The following DMD variants were observed in gnomAD, a reference collection of about 807,000 sequenced individuals.
DMD encodes the protein dystrophin.
Under a neutral mutation model 330.1 loss-of-function variants are expected in DMD, and 63 were observed. That is an observed-to-expected ratio of 0.19 (90% CI 0.16 to 0.24). The LOEUF (loss-of-function observed/expected upper bound fraction) is 0.24, where lower values mean the gene tolerates loss of function less well. Among genes scored for constraint, DMD ranks in the 10% least tolerant of loss-of-function variants. The probability of loss-of-function intolerance (pLI) is 1.00; values close to 1 mark genes in which losing one functional copy is unlikely to be tolerated. For synonymous variants in DMD, 1,223 were observed against 959.8 expected, an observed-to-expected ratio of 1.27 and a Z score of -5.07; for missense variants, 3,344 against 2,684.1, an observed-to-expected ratio of 1.25 and a Z score of -5.43.
chrX:32,872,755 G>A (rs6527237), intron 2 of DMD, among the ~76,000 whole-genome samples: 37,033 of 110,892 alleles, frequency 0.33, 4,833 homozygotes, highest in Middle Eastern at 0.41. Context: ...GGCAAAGAAG[G>A]ATAAGGGGTA....
chrX:31,278,133 G>A (rs183756190), intron 62 of DMD, among the ~76,000 whole-genome samples: 1 of 111,270 alleles, frequency 9.0e-6, no homozygotes, highest in Admixed American at 9.6e-5. Context: ...AGATATAGAT[G>A]CGTGTGTGCG....
intron 57 of DMD, among the ~76,000 whole-genome samples, chrX:31,494,129 C>T (rs1469025222): frequency 4.0e-5 from 4 of 101,192 alleles, no homozygotes; most frequent in African/African-American, 1.1e-4. Context: ...GCAACTCCAG[C>T]CTGGTGACAG....
At chrX:31,261,559 A>T (rs1310094793) in intron 62 of DMD, 2 of 122,748 alleles carry the variant, frequency 1.6e-5, no homozygotes, top group Admixed American at 8.1e-5. Flanking sequence ...AGGTATATCT[A>T]CTGCCTGACT....
At chrX:32,513,472 A>G (rs1396788647) in intron 18 of DMD, among the ~76,000 whole-genome samples, 1 of 111,915 alleles carries the variant, frequency 8.9e-6, no homozygotes, top group East Asian at 2.8e-4. Context: ...TGGTGATGGG[A>G]ATAGAGAGAA....
At chrX:32,683,416 G>A (rs1379092722) in intron 9 of DMD, among the ~76,000 whole-genome samples, 2 of 109,540 alleles carry the variant, frequency 1.8e-5, no homozygotes, top group Non-Finnish European at 3.8e-5. Context: ...ATGATAGACT[G>A]GATTAAGAAA....
chrX:32,936,561 A>G (rs1412128015), intron 2 of DMD, among the ~76,000 whole-genome samples: 3 of 111,762 alleles, frequency 2.7e-5, no homozygotes, highest in Non-Finnish European at 3.8e-5. Flanking sequence ...CTCCTAGCCC[A>G]TGGGCCTCTT....
chrX:31,882,749 C>T (rs1465760728), intron 47 of DMD, among the ~76,000 whole-genome samples: 2 of 111,781 alleles, frequency 1.8e-5, no homozygotes, highest in Middle Eastern at 4.2e-3. Flanking sequence ...TGGCACTAAT[C>T]GTCAGGTGAT....
At chrX:32,245,737 G>GC (rs2148117918) in intron 43 of DMD, among the ~76,000 whole-genome samples, 1 of 86,849 alleles carries the variant, frequency 1.2e-5, no homozygotes, top group East Asian at 3.8e-4. Flanking sequence ...GTGAATGGGA[G>GC]TTCACTCATG....
At chrX:31,537,226 T>G (rs1163256511) in intron 55 of DMD, among the ~76,000 whole-genome samples, 3 of 111,935 alleles carry the variant, frequency 2.7e-5, no homozygotes, top group African/African-American at 9.7e-5. Flanking sequence ...AATGTTACTT[T>G]TTCTTGAAAA....
At chrX:31,659,651 A>AGG (rs1569189759) in intron 53 of DMD, among the ~76,000 whole-genome samples, 9 of 82,953 alleles carry the variant, frequency 1.1e-4, no homozygotes, top group Admixed American at 4.7e-4. Context: ...AAAAAAAAAA[A>AGG]AAAAAAAAAA....
chrX:31,678,708 A>T (rs765034949), intron 53 of DMD, among the ~76,000 whole-genome samples: 130 of 111,145 alleles, frequency 1.2e-3, no homozygotes, highest in African/African-American at 4.1e-3. Context: ...CCATTTCTTG[A>T]TCCAGGGCCT....
chrX:32,500,007 C>G (rs1399858366), intron 19 of DMD, among the ~76,000 whole-genome samples: 1 of 110,639 alleles, frequency 9.0e-6, no homozygotes, highest in East Asian at 2.8e-4. Flanking sequence ...AGTAGTCATC[C>G]TAGTTATGGC....
chrX:31,352,097 T>C (rs1421649158), intron 60 of DMD, among the ~76,000 whole-genome samples: 3 of 111,575 alleles, frequency 2.7e-5, no homozygotes, highest in Non-Finnish European at 5.6e-5. Context: ...TTAATTTCTT[T>C]AATCAGTTTA....
At chrX:31,349,389 CCAGCCTGGGTGACAGAGTGAAACT>C (rs768683932) in intron 60 of DMD, among the ~76,000 whole-genome samples, 1 of 112,434 alleles carries the variant, frequency 8.9e-6, no homozygotes, top group Non-Finnish European at 1.9e-5. Flanking sequence ...CCACTGTACT[CCAGCCTGGGTGACAGAGTGAAACT>C]CCACCTCAAA....
intron 44 of DMD, among the ~76,000 whole-genome samples, chrX:32,130,739 A>G (rs928968171): frequency 9.0e-6 from 1 of 111,309 alleles, no homozygotes; most frequent in African/African-American, 3.3e-5. Context: ...TGCCTCTGTC[A>G]CTATTCAGGT....
intron 64 of DMD, among the ~76,000 whole-genome samples, chrX:31,214,930 C>CTTTTTTTTTTTTTT (rs1302015325): frequency 5.0e-4 from 23 of 46,116 alleles, no homozygotes; most frequent in Admixed American, 9.3e-4. Context: ...TTTTTTATTT[C>CTTTTTTTTTTTTTT]TTTTTTCTTT....
intron 44 of DMD, among the ~76,000 whole-genome samples, chrX:32,160,796 A>G (rs148805847): frequency 3.9e-3 from 434 of 111,720 alleles, no homozygotes; most frequent in African/African-American, 0.013. Context: ...AAGTTATAGT[A>G]CAAGATACCA....
At chrX:32,345,830 G>T in intron 39 of DMD, 113 bp downstream of exon 39, 1 of 751,663 alleles carries the variant, frequency 1.3e-6, no homozygotes, top group Non-Finnish European at 1.9e-6. Flanking sequence ...AACAGAAAAA[G>T]TGAGTTTCTG....
At chrX:33,072,373 G>T (rs1000024214) in intron 1 of DMD, among the ~76,000 whole-genome samples, 1 of 111,834 alleles carries the variant, frequency 8.9e-6, no homozygotes, top group Admixed American at 9.5e-5. Flanking sequence ...AGCCACGATC[G>T]CACCACTGCA....
Sources: gnomAD v4.1 joint callset for allele counts (sites outside exome capture counted in the v4.1 genomes callset) on GRCh38, gnomAD v4.1.1 for gene constraint, MANE v1.5 for transcripts, NCBI Gene and HGNC (gene_info 2026-07-23, HGNC 2026-07-21) for gene names.